The following FKBP5 variants were observed in gnomAD, a reference collection of about 807,000 sequenced individuals.
FKBP5 encodes the protein peptidyl-prolyl cis-trans isomerase FKBP5.
Under a neutral mutation model 50.5 loss-of-function variants are expected in FKBP5, and 23 were observed. The observed-to-expected ratio is 0.46, with a 90% CI of 0.33 to 0.65. FKBP5 has a LOEUF of 0.65. Among genes scored for constraint, FKBP5 ranks in the 30% least tolerant of loss-of-function variants. The probability of loss-of-function intolerance (pLI) is 0.02; values close to 1 mark genes in which losing one functional copy is unlikely to be tolerated. For missense variants in FKBP5, 411 were observed against 553.1 expected, an observed-to-expected ratio of 0.74 and a Z score of 2.58; for synonymous variants, 176 against 190.6, an observed-to-expected ratio of 0.92 and a Z score of 0.63.
intron 9 of FKBP5, among the ~76,000 whole-genome samples, chr6:35,579,045 G>A (rs1762329692): frequency 6.6e-6 from 1 of 152,086 alleles, no homozygotes; most frequent in African/African-American, 2.4e-5. Context: ...GGGCCCCAGA[G>A]TTTGAGGCTG....
At chr6:35,699,448 G>A in intron 2 of FKBP5, among the ~76,000 whole-genome samples, 1 of 152,150 alleles carries the variant, frequency 6.6e-6, no homozygotes, top group Non-Finnish European at 1.5e-5. Context: ...ACAGTTATCT[G>A]GGGACGACCA....
At chr6:35,653,414 G>A (rs1318682199) in intron 1 of FKBP5, among the ~76,000 whole-genome samples, 1 of 152,062 alleles carries the variant, frequency 6.6e-6, no homozygotes, top group Non-Finnish European at 1.5e-5. Context: ...GGGATATGAG[G>A]GAAGTCCTCA....
rs183308356 is a variant in FKBP5, at chr6:35,621,638, C to T, written c.251-1364G>A. 2.9e-5 allele frequency among the ~76,000 whole-genome samples: 4 copies of T among 139,224 alleles called. No homozygotes were observed. In the East Asian group the frequency reaches 8.8e-4, roughly 31 times the overall value. The allele number at this position is 139,224 out of a possible 152,430, so 91.3% of individuals were successfully genotyped here. ...GTCTCCAAAAAAAAAAAAAAAAAGGCTAAATGACAAATGAGGTACTCTGTC... is the reference window on the plus strand; with the variant it reads ...GTCTCCAAAAAAAAAAAAAAAAAGGTTAAATGACAAATGAGGTACTCTGTC... On this transcript the variant is annotated intron_variant, in intron 3 of 10. Transcript: ENST00000357266.
intron 8 of FKBP5, chr6:35,581,010 A>T: frequency 2.0e-6 from 2 of 984,638 alleles, no homozygotes; most frequent in Non-Finnish European, 2.4e-6. Flanking sequence ...TGCAACTACT[A>T]AATTCTTATC....
chr6:35,582,884 T>C (rs1762479672), intron 8 of FKBP5: 1 of 949,760 alleles, frequency 1.1e-6, no homozygotes, highest in Non-Finnish European at 1.3e-6. Flanking sequence ...TAATAAAGGT[T>C]TGTTGAGTAA....
chr6:35,715,614 A>G (rs1766497645), intron 2 of FKBP5, among the ~76,000 whole-genome samples: 1 of 152,238 alleles, frequency 6.6e-6, no homozygotes, highest in Admixed American at 6.5e-5. Flanking sequence ...AGAGGTGTAC[A>G]CCAGTACAGC....
At chr6:35,681,003 G>A (rs1481479403) in intron 1 of FKBP5, among the ~76,000 whole-genome samples, 1 of 152,184 alleles carries the variant, frequency 6.6e-6, no homozygotes, top group Non-Finnish European at 1.5e-5. Flanking sequence ...CATGTCATGA[G>A]TCTTTAGTGA....
rs1446947996 is a variant in FKBP5, at chr6:35,642,100, T to C, written c.105+620A>G. Among the ~76,000 whole-genome samples, 8 of 152,290 alleles carry C rather than the reference T, an allele frequency of 5.3e-5. No individual in the cohort carries two copies. In the South Asian group the frequency reaches 1.4e-3, roughly 28 times the overall value. Reference sequence around the variant, plus strand: ...CTTAAAAAGTCTTCAAAATTGTCATTAGCTAGCTTTAGTGTACTAAAAGGA... The same window carrying C: ...CTTAAAAAGTCTTCAAAATTGTCATCAGCTAGCTTTAGTGTACTAAAAGGA... On this transcript the variant is annotated intron_variant, in intron 2 of 10. Coordinates refer to ENST00000357266, the MANE Select transcript of FKBP5 (RefSeq NM_004117.4).
chr6:35,713,950 C>T (rs946214820), intron 2 of FKBP5, among the ~76,000 whole-genome samples: 4 of 152,102 alleles, frequency 2.6e-5, no homozygotes, highest in African/African-American at 9.7e-5. Context: ...AGAAATCCCT[C>T]ACAGACATCC....
intron 5 of FKBP5, among the ~76,000 whole-genome samples, chr6:35,605,210 A>T (rs1763270074): frequency 6.6e-6 from 1 of 151,726 alleles, no homozygotes; most frequent in African/African-American, 2.4e-5. Flanking sequence ...CTTTCCATTA[A>T]AGTCTGAACA....
At chr6:35,616,311 T>C (rs1000558147) in intron 5 of FKBP5, among the ~76,000 whole-genome samples, 1 of 67,030 alleles carries the variant, frequency 1.5e-5, no homozygotes, top group Non-Finnish European at 2.6e-5. Context: ...CAAGACTCCA[T>C]CTCAAAAAAA....
intron 5 of FKBP5, among the ~76,000 whole-genome samples, chr6:35,615,453 T>TA (rs533649028): frequency 2.6e-5 from 4 of 151,582 alleles, no homozygotes; most frequent in East Asian, 3.9e-4. Flanking sequence ...AGGAAGCACT[T>TA]AAAAAAAATG....
chr6:35,597,697 T>A (rs1246782648), intron 5 of FKBP5, among the ~76,000 whole-genome samples: 1 of 152,188 alleles, frequency 6.6e-6, no homozygotes, highest in Non-Finnish European at 1.5e-5. Context: ...GTGACAGAAG[T>A]TTCCTCACCT....
chr6:35,716,141 G>A (rs1042848941), intron 2 of FKBP5, among the ~76,000 whole-genome samples: 3 of 152,134 alleles, frequency 2.0e-5, no homozygotes, highest in Non-Finnish European at 1.5e-5. Flanking sequence ...AGACGCCGAG[G>A]TAGGAGGATT....
At chr6:35,580,359 C>T (rs1762386013) in intron 8 of FKBP5, 138 bp from the exon 9 acceptor site, 2 of 721,674 alleles carry the variant, frequency 2.8e-6, no homozygotes, top group Admixed American at 5.0e-5. Context: ...GATGGCTCTC[C>T]AGGTACCTTT....
rs764691592 is a variant in FKBP5 at position 35,580,135 on chromosome 6, C to G, written c.927G>C (p.Ser309=). 6.2e-7 allele frequency: 1 copy of G among 1,614,024 alleles called. No individual in the cohort carries two copies. The highest frequency in any genetic ancestry group is 8.5e-7 in the Non-Finnish European group (1 of 1,179,908). Residue 309 remains serine (S), a synonymous_variant, in exon 9 of 11, where the codon TCG becomes TCC. Transcript: ENST00000357266. ...EMEYGLSEKE[S]KASESFLLAA... is the part of the protein sequence containing the mutation. Reference sequence around the variant, plus strand: ...CAAGGAGAAATGATTCAGAAGCTTTCGATTCCTTTTCTGATAAACCATATT... The same window carrying G: ...CAAGGAGAAATGATTCAGAAGCTTTGGATTCCTTTTCTGATAAACCATATT...
chr6:35,623,194 A>G (rs1310688991), intron 3 of FKBP5, among the ~76,000 whole-genome samples: 1 of 152,256 alleles, frequency 6.6e-6, no homozygotes, highest in Non-Finnish European at 1.5e-5. Context: ...GTGAGCCGAG[A>G]TAGCGCCACT....
rs550878351 is a variant in FKBP5 at position 35,666,394 on chromosome 6, T to TAAAAA, written c.-20+22405_-20+22409dup. 4.0e-3 allele frequency among the ~76,000 whole-genome samples: 132 copies of TAAAAA among 33,248 alleles called. 14 individuals are homozygous for TAAAAA. The highest frequency in any genetic ancestry group is 0.013 in the African/African-American group (111 of 8,730). The allele number at this position is 33,248 out of a possible 152,430, so 21.8% of individuals were successfully genotyped here. ...CATGCAGAAACACTACTATTATAGT[T>TAAAAA]AAAAAAAAAAAAAAAAAAAAAAAAA... On this transcript the variant is annotated intron_variant, in intron 1 of 10. Transcript: ENST00000357266.
At chr6:35,721,701 G>C (rs576526319) in intron 1 of FKBP5, among the ~76,000 whole-genome samples, 9 of 152,164 alleles carry the variant, frequency 5.9e-5, no homozygotes, top group East Asian at 1.9e-4. Context: ...TGATCTGCCC[G>C]CCTCGGCCTC....
Sources: allele counts gnomAD v4.1 joint callset (sites outside exome capture counted in the v4.1 genomes callset), GRCh38; gene constraint gnomAD v4.1.1; transcripts MANE v1.5; gene names NCBI Gene and HGNC (gene_info 2026-07-23, HGNC 2026-07-21).